The following SEMA7A variants were observed in gnomAD, a reference collection of about 807,000 sequenced individuals.
SEMA7A encodes the protein semaphorin 7A (JohnMiltonHagen blood group).
SEMA7A carries 21 observed loss-of-function variants against 67.5 expected under a neutral mutation model. That is an observed-to-expected ratio of 0.31 (90% CI 0.22 to 0.45). The LOEUF (loss-of-function observed/expected upper bound fraction) is 0.45. Ranked by LOEUF, SEMA7A falls within the 20% of genes least tolerant of loss-of-function variation. SEMA7A has a pLI of 1.00. For missense variants in SEMA7A, 774 were observed against 908.6 expected (o/e 0.85, Z 1.90); for synonymous variants, 364 against 368.5 (o/e 0.99, Z 0.14).
At chr15:74,425,063 C>G (rs1250291383) in intron 1 of SEMA7A, among the ~76,000 whole-genome samples, 1 of 152,156 alleles carries the variant, frequency 6.6e-6, no homozygotes, top group Admixed American at 6.5e-5. Flanking sequence ...CCTGAACCAG[C>G]AGGGGAGACT....
intron 10 of SEMA7A, among the ~76,000 whole-genome samples, chr15:74,413,135 CT>C (rs1206987967): frequency 6.6e-6 from 1 of 152,244 alleles, no homozygotes; most frequent in African/African-American, 2.4e-5. Context: ...CATCTGTGGA[CT>C]CTGAGATGTG....
chr15:74,416,141 G>A (rs866036779), intron 7 of SEMA7A, among the ~76,000 whole-genome samples, 156 bp from the exon 8 acceptor site: 2 of 152,074 alleles, frequency 1.3e-5, no homozygotes, highest in South Asian at 2.1e-4. Flanking sequence ...CAGGACTCAG[G>A]GCAGGTCTCC....
rs28362913 is a variant in SEMA7A at position 74,418,124 on chromosome 15, G to A, written c.372+144C>T. 1,619 of 1,141,388 alleles carry A rather than the reference G, an allele frequency of 1.4e-3. 12 individuals carry two copies. Among genetic ancestry groups the A allele is most frequent in the African/African-American group, 0.012 (769 of 65,082 alleles). The allele number at this position is 1,141,388 out of a possible 1,614,324, so 70.7% of individuals were successfully genotyped here. ...ACAGCCCAGAGTGTGTGCAGCTGAC[G>A]CCATCCCCTAAGCACAGAGGACCAC... On this transcript the variant is annotated intron_variant, in intron 3 of 13. Coordinates refer to ENST00000261918, the MANE Select transcript of SEMA7A (RefSeq NM_003612.5).
chr15:74,412,058 G>A (rs2060906632), intron 10 of SEMA7A, 46 bp from the exon 11 acceptor site: 2 of 1,610,178 alleles, frequency 1.2e-6, no homozygotes, highest in Non-Finnish European at 1.7e-6. Context: ...TCCCACTGAG[G>A]GGCCAGGCAG....
Position 74,411,049 on chromosome 15 carries a change from C to T in SEMA7A, c.1640-64G>A, listed in dbSNP as rs1436641925. 3.9e-6 allele frequency: 6 copies of T among 1,553,108 alleles called. No individual in the cohort carries two copies. The highest frequency in any genetic ancestry group is 5.2e-6 in the Non-Finnish European group (6 of 1,150,906). ...AAGAGCTCCCAGGGGAGGATGTGTC[C>T]TCCCCACGGACTGGGATCCCAGGAC... is the stretch of plus-strand genomic sequence containing the variant. On this transcript the variant is annotated intron_variant, in intron 13 of 13. Transcript: ENST00000261918. This position sits in a 1 kb window ranked among gnomAD's most constrained non-coding sequence, Gnocchi z 4.4.
rs958029491 is a variant in SEMA7A at position 74,417,511 on chromosome 15, C to G, written c.551-66G>C. On this transcript the variant is annotated intron_variant, in intron 5 of 13. Transcript: ENST00000261918. ...CTCCTGGAAGTCCCTCCTCCGGACA[C>G]TGGACAAAGAGCTGACCACTCCTCT... 5.0e-6 allele frequency: 8 copies of G among 1,587,220 alleles called. No homozygotes were observed. In the African/African-American group the frequency reaches 8.1e-5, roughly 16 times the overall value.
At chr15:74,419,744 G>C (rs559810680) in intron 1 of SEMA7A, among the ~76,000 whole-genome samples, 14 of 152,102 alleles carry the variant, frequency 9.2e-5, no homozygotes. Context: ...CTAGCTCTCC[G>C]GGGGGTGAAG....
chr15:74,422,323 CT>C (rs1317573198), intron 1 of SEMA7A, among the ~76,000 whole-genome samples: 1 of 151,946 alleles, frequency 6.6e-6, no homozygotes, highest in Non-Finnish European at 1.5e-5. Context: ...GTGTCCCCCC[CT>C]CACTCCCCAG....
rs551249359 is a variant in SEMA7A at position 74,432,990 on chromosome 15, G to A, written c.178+751C>T. The stretch of plus-strand genomic sequence containing the variant: ...GCCTAAAGGCTGCACCCCCGCCCTA[G>A]ATCCACCGCCTGGGGGTCCCAACGG... On this transcript the variant is annotated intron_variant, in intron 1 of 13. Coordinates refer to ENST00000261918, the MANE Select transcript of SEMA7A (RefSeq NM_003612.5). Among the ~76,000 whole-genome samples the A allele has an allele frequency of 3.9e-4, 60 of 152,236 alleles. 1 individual carries two copies. Among genetic ancestry groups the A allele is most frequent in the African/African-American group, 1.3e-3 (56 of 41,540 alleles).
chr15:74,419,071 C>G, intron 1 of SEMA7A, 119 bp from the exon 2 acceptor site: 1 of 1,177,422 alleles, frequency 8.5e-7, no homozygotes, highest in Non-Finnish European at 1.2e-6. Flanking sequence ...GGCAGGGCGT[C>G]AGACAAGCTC....
At chr15:74,420,930 T>C (rs1246933504) in intron 1 of SEMA7A, among the ~76,000 whole-genome samples, 2 of 152,154 alleles carry the variant, frequency 1.3e-5, no homozygotes, top group Non-Finnish European at 2.9e-5. Context: ...AGCAGAAAAG[T>C]TCTAGCCGTC....
chr15:74,426,863 C>T (rs1055078592), intron 1 of SEMA7A, among the ~76,000 whole-genome samples: 10 of 152,160 alleles, frequency 6.6e-5, no homozygotes, highest in African/African-American at 1.9e-4. Context: ...CCAGCCCTGG[C>T]GAAAACACTC....
chr15:74,411,350 CA>C lies in SEMA7A; in HGVS notation c.1583del (p.Val528GlyfsTer37). ...GCTCGGCTGGATTAATGGATTGCAG[CA>C]CTGACCTGGAGTGGGAAGGACGAAA... Reference protein sequence around the residue: ...CISIYSSERSVLQSINPAEPH... With the variant: ...CISIYSSERSXLQSINPAEPH... On this transcript the variant is annotated frameshift_variant, in exon 13 of 14. Coordinates refer to ENST00000261918, the MANE Select transcript of SEMA7A (RefSeq NM_003612.5). LOFTEE classifies it high-confidence loss of function. The surrounding 1 kb of genome is among the most constrained non-coding windows in gnomAD (Gnocchi z 4.4). 2.5e-6 allele frequency: 4 copies of C among 1,614,030 alleles called. No homozygotes were observed. The highest frequency in any genetic ancestry group is 3.4e-6 in the Non-Finnish European group (4 of 1,179,940).
chr15:74,418,364 A>T lies in SEMA7A; in HGVS notation c.331-55T>A, dbSNP rs2060970814. The T allele has an allele frequency of 3.2e-6, 5 of 1,547,952 alleles. No individual in the cohort carries two copies. In the Admixed American group the frequency reaches 8.6e-5, roughly 27 times the overall value. ...TCTGCCAGGGGTGAGGTACCCCTGA[A>T]ATGCTTTCCACACAGCCTCAGGATA... On this transcript the variant is annotated intron_variant, in intron 2 of 13. Coordinates refer to ENST00000261918, the MANE Select transcript of SEMA7A (RefSeq NM_003612.5).
Position 74,417,102 on chromosome 15 carries a change from GGGCTCCCTCT to G in SEMA7A, c.661+223_661+232del, listed in dbSNP as rs1297667528. On this transcript the variant is annotated intron_variant, in intron 6 of 13. Transcript: ENST00000261918. Reference sequence around the variant, plus strand: ...TCCTGGGGACCCTGCACTGGGTCTGGGGCTCCCTCTGTTTGTGTTCCTGAAGAGGGCTGGG... The same window carrying G: ...TCCTGGGGACCCTGCACTGGGTCTGGGTTTGTGTTCCTGAAGAGGGCTGGG... 6.6e-5 allele frequency among the ~76,000 whole-genome samples: 10 copies of G among 152,116 alleles called. No homozygotes were observed. The East Asian group carries it at 1.7e-3, about 26-fold the overall frequency.
At chr15:74,421,298 C>T (rs2060998227) in intron 1 of SEMA7A, among the ~76,000 whole-genome samples, 1 of 152,174 alleles carries the variant, frequency 6.6e-6, no homozygotes, top group Non-Finnish European at 1.5e-5. Context: ...GCATGGACCC[C>T]AGGGCTGCCC....
At chr15:74,415,734 A>G (rs983647569) in intron 8 of SEMA7A, 67 bp downstream of exon 8, 16 of 1,483,282 alleles carry the variant, frequency 1.1e-5, no homozygotes, top group Non-Finnish European at 1.5e-5. Context: ...AGCAGGGCCC[A>G]AGGCCTCCTG....
Position 74,410,317 on chromosome 15 carries a change from G to T in SEMA7A, c.*307C>A, listed in dbSNP as rs1057311984. 6 of 360,028 alleles carry T rather than the reference G, an allele frequency of 1.7e-5. No homozygotes were observed. Among genetic ancestry groups the T allele is most frequent in the African/African-American group, 1.3e-4 (6 of 47,538 alleles). The allele number at this position is 360,028 out of a possible 1,614,324, so 22.3% of individuals were successfully genotyped here. A position where few individuals can be genotyped will look rare whatever the true frequency, so the allele number is the denominator to read the frequency against. Reference sequence around the variant, plus strand: ...CGACCCATGGGCTCTTGGGCTGGGAGCATCGCTGCATTTAGTCAAGTTTGA... The same window carrying T: ...CGACCCATGGGCTCTTGGGCTGGGATCATCGCTGCATTTAGTCAAGTTTGA... On this transcript the variant is annotated 3_prime_UTR_variant, in exon 14 of 14. Transcript: ENST00000261918. This position sits in a 1 kb window ranked among gnomAD's most constrained non-coding sequence, Gnocchi z 7.5.
intron 1 of SEMA7A, among the ~76,000 whole-genome samples, chr15:74,419,861 A>T (rs2060985156): frequency 6.6e-6 from 1 of 152,066 alleles, no homozygotes; most frequent in Admixed American, 6.5e-5. Flanking sequence ...CAAAAAAGAA[A>T]CTGACTGCAG....
Sources: gnomAD v4.1 joint callset for allele counts (sites outside exome capture counted in the v4.1 genomes callset) on GRCh38, gnomAD v4.1.1 for gene constraint, Gnocchi (gnomAD v3.1) non-coding constraint, MANE v1.5 for transcripts, NCBI Gene and HGNC (gene_info 2026-07-23, HGNC 2026-07-21) for gene names.